The following HHAT variants were observed in gnomAD, a reference collection of about 807,000 sequenced individuals.
HHAT encodes the protein protein-cysteine N-palmitoyltransferase HHAT.
In HHAT, 47 loss-of-function variants were observed where a neutral mutation model predicts 70.8. The observed-to-expected ratio is 0.66, with a 90% CI of 0.53 to 0.85. The LOEUF is 0.85. HHAT is among the 40% of genes least tolerant of loss of function. The pLI is 0.00. For missense variants in HHAT, 609 were observed against 604.8 expected, an observed-to-expected ratio of 1.01 and a Z score of -0.07; for synonymous variants, 228 against 247.6, an observed-to-expected ratio of 0.92 and a Z score of 0.74.
At chr1:210,640,671 C>G (rs966628084) in intron 11 of HHAT, among the ~76,000 whole-genome samples, 3 of 151,942 alleles carry the variant, frequency 2.0e-5, no homozygotes, top group Non-Finnish European at 2.9e-5. Context: ...CTCCGCCCCC[C>G]ACTGCCCCCC....
intron 3 of HHAT, among the ~76,000 whole-genome samples, chr1:210,367,994 G>C (rs193031335): frequency 4.7e-5 from 7 of 149,204 alleles, no homozygotes; most frequent in Non-Finnish European, 1.0e-4. Flanking sequence ...GTGATCTGTC[G>C]TTGTATTTGC....
intron 9 of HHAT, among the ~76,000 whole-genome samples, chr1:210,541,439 G>A (rs1206364903): frequency 6.6e-6 from 1 of 152,064 alleles, no homozygotes; most frequent in Admixed American, 6.6e-5. Context: ...CTCTAGAAAA[G>A]AATACCAGCC....
intron 9 of HHAT, among the ~76,000 whole-genome samples, chr1:210,537,694 G>A (rs1288219303): frequency 6.6e-6 from 1 of 152,238 alleles, no homozygotes; most frequent in Admixed American, 6.5e-5. Context: ...CCTGAAGGAA[G>A]AAGCAGGATA....
Position 210,551,346 on chromosome 1 carries a change from A to C in HHAT, c.1044-36552A>C, listed in dbSNP as rs183490879. On this transcript the variant is annotated intron_variant, in intron 9 of 11. Coordinates refer to ENST00000261458, the MANE Select transcript of HHAT (RefSeq NM_018194.6). ...TGGAAGGTGGGGACCAGTGCGACTCATCACAGTTCTGAAGATTCTGCACCA... is the reference window on the plus strand; with the variant it reads ...TGGAAGGTGGGGACCAGTGCGACTCCTCACAGTTCTGAAGATTCTGCACCA... Among the ~76,000 whole-genome samples the C allele has an allele frequency of 5.7e-4, 85 of 149,174 alleles. 9 individuals are homozygous for C. The highest frequency in any genetic ancestry group is 1.9e-3 in the African/African-American group (77 of 40,388).
intron 8 of HHAT, among the ~76,000 whole-genome samples, chr1:210,488,212 C>T (rs2094501437): frequency 6.6e-6 from 1 of 152,184 alleles, no homozygotes; most frequent in Non-Finnish European, 1.5e-5. Flanking sequence ...CCTGGCTCTT[C>T]TTTCCCCTGC....
intron 10 of HHAT, among the ~76,000 whole-genome samples, chr1:210,602,056 G>A (rs895616824): frequency 4.6e-5 from 7 of 151,926 alleles, no homozygotes; most frequent in Non-Finnish European, 4.4e-5. Flanking sequence ...AAGTTGGATC[G>A]AGGGGGAGCT....
intron 9 of HHAT, among the ~76,000 whole-genome samples, chr1:210,585,563 C>T (rs1660253165): frequency 6.6e-6 from 1 of 152,080 alleles, no homozygotes; most frequent in African/African-American, 2.4e-5. Flanking sequence ...GGACTACAGG[C>T]CCACACCACC....
intron 9 of HHAT, among the ~76,000 whole-genome samples, chr1:210,534,433 T>A (rs191100219): frequency 1.7e-3 from 266 of 152,322 alleles, no homozygotes; most frequent in African/African-American, 6.0e-3. Flanking sequence ...TGCTTTTTTT[T>A]ATATAACAAT....
At chr1:210,486,310 A>G (rs562387693) in intron 8 of HHAT, among the ~76,000 whole-genome samples, 1 of 152,352 alleles carries the variant, frequency 6.6e-6, no homozygotes, top group Admixed American at 6.5e-5. Context: ...AGTAAAGGGC[A>G]TATTTTTGAA....
intron 11 of HHAT, among the ~76,000 whole-genome samples, chr1:210,634,329 T>A (rs768086771): frequency 6.6e-6 from 1 of 152,114 alleles, no homozygotes; most frequent in Non-Finnish European, 1.5e-5. Flanking sequence ...TAAACCTGAT[T>A]TCCGTTTTTC....
At chr1:210,435,287 T>C (rs1019374904) in intron 7 of HHAT, among the ~76,000 whole-genome samples, 1 of 151,946 alleles carries the variant, frequency 6.6e-6, no homozygotes, top group Non-Finnish European at 1.5e-5. Context: ...CATTCATGTT[T>C]CTATAAATGA....
chr1:210,374,613 G>A (rs1050086980), intron 3 of HHAT, among the ~76,000 whole-genome samples: 9 of 152,048 alleles, frequency 5.9e-5, no homozygotes, highest in South Asian at 2.1e-4. Context: ...ATGGAAACTC[G>A]TTTTAGCCCT....
chr1:210,338,456 G>A (rs974012544), intron 1 of HHAT, among the ~76,000 whole-genome samples: 4 of 152,100 alleles, frequency 2.6e-5, no homozygotes, highest in African/African-American at 7.3e-5. Flanking sequence ...ACATTTGAAC[G>A]AGTATTATTG....
At chr1:210,550,953 C>T (rs1025277574) in intron 9 of HHAT, among the ~76,000 whole-genome samples, 2 of 148,858 alleles carry the variant, frequency 1.3e-5, no homozygotes, top group Non-Finnish European at 2.9e-5. Context: ...CAGGTGTGAG[C>T]GACCACTCCT....
intron 2 of HHAT, among the ~76,000 whole-genome samples, chr1:210,358,191 G>A (rs2087857932): frequency 6.6e-6 from 1 of 152,162 alleles, no homozygotes; most frequent in Admixed American, 6.5e-5. Context: ...CATGCACAGA[G>A]CTTATGGCTT....
At chr1:210,576,250 C>T (rs142718231) in intron 9 of HHAT, among the ~76,000 whole-genome samples, 5 of 152,220 alleles carry the variant, frequency 3.3e-5, no homozygotes, top group East Asian at 1.9e-4. Flanking sequence ...GAATGCTACT[C>T]ATTATGATAA....
At chr1:210,494,124 A>G (rs1383541264) in intron 8 of HHAT, among the ~76,000 whole-genome samples, 1 of 152,234 alleles carries the variant, frequency 6.6e-6, no homozygotes, top group Non-Finnish European at 1.5e-5. Flanking sequence ...TGCTTCTGCA[A>G]TATCACCTTG....
intron 11 of HHAT, chr1:210,630,879 CG>C (rs1162755017): frequency 8.2e-6 from 3 of 366,350 alleles, no homozygotes; most frequent in Non-Finnish European, 1.6e-5. Flanking sequence ...GCCGTGGAGG[CG>C]GGGGGCCAGC....
In HHAT at chr1:210,554,604, G is replaced by A. The variant is rs149314773; in HGVS notation, c.1044-33294G>A. ...CAATGTGTGGGAATATACTAGCGAG[G>A]AGGCGGGGAGGTTTCAGCTTAAGCC... On this transcript the variant is annotated intron_variant, in intron 9 of 11. Coordinates refer to ENST00000261458, the MANE Select transcript of HHAT (RefSeq NM_018194.6). Among the ~76,000 whole-genome samples the A allele has an allele frequency of 2.6e-3, 402 of 152,302 alleles. 2 individuals are homozygous for A. The highest frequency in any genetic ancestry group is 9.2e-3 in the African/African-American group (383 of 41,556).
Sources: allele counts gnomAD v4.1 joint callset (sites outside exome capture counted in the v4.1 genomes callset), GRCh38; gene constraint gnomAD v4.1.1; transcripts MANE v1.5; gene names NCBI Gene and HGNC (gene_info 2026-07-23, HGNC 2026-07-21).